KCNQ1: variants seen among roughly 807,000 people sequenced by gnomAD.
KCNQ1 encodes potassium voltage-gated channel subfamily Q member 1, also known as potassium voltage-gated channel subfamily KQT member 1.
A neutral mutation model predicts 72.4 loss-of-function variants in KCNQ1; 49 were observed. That is an observed-to-expected ratio of 0.68 (90% confidence interval 0.54 to 0.86). The LOEUF (loss-of-function observed/expected upper bound fraction) is 0.86, where lower values mean the gene tolerates loss of function less well. Ranked by LOEUF, KCNQ1 falls within the 40% of genes least tolerant of loss-of-function variation. The pLI is 0.00. For missense variants in KCNQ1, 790 were observed against 945.1 expected, an observed-to-expected ratio of 0.84 and a Z score of 2.15; for synonymous variants, 450 against 412.6, an observed-to-expected ratio of 1.09 and a Z score of -1.10.
intron 3 of KCNQ1, 79 bp from the exon 4 acceptor site, chr11:2,571,246 C>T (rs1003255172): frequency 4.7e-5 from 57 of 1,205,158 alleles, no homozygotes; most frequent in East Asian, 7.0e-5. Flanking sequence ...CTTCCCCAGA[C>T]GAGAGCAGGG....
intron 15 of KCNQ1, among the ~76,000 whole-genome samples, chr11:2,810,999 T>C (rs1275494340): frequency 6.6e-6 from 1 of 152,200 alleles, no homozygotes; most frequent in Non-Finnish European, 1.5e-5. Flanking sequence ...GACTCCCGCC[T>C]TCCCAGCATG....
intron 10 of KCNQ1, chr11:2,631,104 C>G (rs181130408): frequency 5.0e-6 from 2 of 398,364 alleles, no homozygotes; most frequent in Non-Finnish European, 8.8e-6. Flanking sequence ...CTTCATGTAC[C>G]TAGATGTCCA....
chr11:2,672,034 C>G, intron 11 of KCNQ1: 1 of 398,656 alleles, frequency 2.5e-6, no homozygotes, highest in Non-Finnish European at 4.4e-6. Flanking sequence ...TACCCTGGCC[C>G]GGTCTGCACT....
intron 11 of KCNQ1, among the ~76,000 whole-genome samples, chr11:2,700,863 TGAATG>T (rs1379530204): frequency 2.0e-5 from 3 of 151,872 alleles, no homozygotes; most frequent in Non-Finnish European, 4.4e-5. Flanking sequence ...GCGCGCCTTC[TGAATG>T]CCAAGCATTG....
At chr11:2,811,987 C>T (rs1350497731) in intron 15 of KCNQ1, among the ~76,000 whole-genome samples, 1 of 152,130 alleles carries the variant, frequency 6.6e-6, no homozygotes, top group African/African-American at 2.4e-5. Flanking sequence ...TGGCACGCAG[C>T]CCCACCGGCT....
At chr11:2,780,172 AC>A (rs1846796917) in intron 15 of KCNQ1, among the ~76,000 whole-genome samples, 1 of 152,130 alleles carries the variant, frequency 6.6e-6, no homozygotes, top group African/African-American at 2.4e-5. Flanking sequence ...CAAGGAGTTG[AC>A]AGAGCTGTGC....
At chr11:2,838,047 G>A (rs1047932183) in intron 15 of KCNQ1, among the ~76,000 whole-genome samples, 1 of 152,252 alleles carries the variant, frequency 6.6e-6, no homozygotes, top group Non-Finnish European at 1.5e-5. Context: ...GGGACAGACT[G>A]AGGAAGCCAG....
chr11:2,472,151 A>T (rs1246745960), intron 1 of KCNQ1, among the ~76,000 whole-genome samples: 1 of 125,788 alleles, frequency 7.9e-6, no homozygotes, highest in Non-Finnish European at 1.7e-5. Flanking sequence ...TGTGTGTTTT[A>T]TGTATGGGTG....
Position 2,678,457 on chromosome 11 carries a change from C to G in KCNQ1, c.1514+16376C>G. On this transcript the variant is annotated intron_variant, in intron 11 of 15. Transcript: ENST00000155840. This position sits in a 1 kb window ranked among gnomAD's most constrained non-coding sequence, Gnocchi z 4.9. Reference sequence around the variant, plus strand: ...ATCATCTCTCTACTAATTTCAACTGCTACCTTTATCATATTTCAAACTCTC... The same window carrying G: ...ATCATCTCTCTACTAATTTCAACTGGTACCTTTATCATATTTCAAACTCTC... 1 of 398,584 alleles carries G rather than the reference C, an allele frequency of 2.5e-6. No homozygotes were observed. The highest frequency in any genetic ancestry group is 4.4e-6 in the Non-Finnish European group (1 of 226,056). The allele number at this position is 398,584 out of a possible 1,614,324, so 24.7% of individuals were successfully genotyped here.
rs969275082 is a variant in KCNQ1 at position 2,457,306 on chromosome 11, C to G, written c.386+11822C>G. On this transcript the variant is annotated intron_variant, in intron 1 of 15. Transcript: ENST00000155840. This position sits in a 1 kb window ranked among gnomAD's most constrained non-coding sequence, Gnocchi z 5.0. ...GCAGTCCCGTGTGCTGAGTTTATACCCAAAGAAAAATTAGTCGTTCTACCA... is the reference window on the plus strand; with the variant it reads ...GCAGTCCCGTGTGCTGAGTTTATACGCAAAGAAAAATTAGTCGTTCTACCA... 6.6e-5 allele frequency among the ~76,000 whole-genome samples: 10 copies of G among 152,054 alleles called. No homozygotes were observed. Among genetic ancestry groups the G allele is most frequent in the Admixed American group, 1.3e-4 (2 of 15,268 alleles).
intron 11 of KCNQ1, chr11:2,667,345 C>T (rs1850095397): frequency 2.5e-6 from 1 of 398,568 alleles, no homozygotes; most frequent in African/African-American, 2.1e-5. Flanking sequence ...CTTCTCATTT[C>T]CTCTGCAAGG....
chr11:2,658,544 A>G lies in KCNQ1; in HGVS notation c.1394-3417A>G. On this transcript the variant is annotated intron_variant, in intron 10 of 15. Transcript: ENST00000155840. The surrounding 1 kb of genome is among the most constrained non-coding windows in gnomAD (Gnocchi z 4.9). ...TTCAGGCTCATCTTTTATTTTCCCT[A>G]CCCTAGCCCTAGAATCATCCATTCA... The G allele has an allele frequency of 2.5e-6, 1 of 394,324 alleles. No homozygotes were observed. Among genetic ancestry groups the G allele is most frequent in the Non-Finnish European group, 4.4e-6 (1 of 225,154 alleles). The allele number at this position is 394,324 out of a possible 1,614,324, so 24.4% of individuals were successfully genotyped here.
At chr11:2,821,516 G>A (rs928613088) in intron 15 of KCNQ1, among the ~76,000 whole-genome samples, 1 of 152,158 alleles carries the variant, frequency 6.6e-6, no homozygotes, top group African/African-American at 2.4e-5. Context: ...ATTGGGAAGT[G>A]GCTGGTAAAA....
Position 2,600,935 on chromosome 11 carries a change from G to C in KCNQ1, c.1393+12081G>C, listed in dbSNP as rs1848797084. Among the ~76,000 whole-genome samples, 2 of 152,264 alleles carry C rather than the reference G, an allele frequency of 1.3e-5. No individual in the cohort carries two copies. Among genetic ancestry groups the C allele is most frequent in the South Asian group, 4.1e-4 (2 of 4,824 alleles). On this transcript the variant is annotated intron_variant, in intron 10 of 15. Transcript: ENST00000155840. The surrounding 1 kb of genome is among the most constrained non-coding windows in gnomAD (Gnocchi z 5.6). The stretch of plus-strand genomic sequence containing the variant: ...AGTGTATCACATCCTGAGGCACACA[G>C]TGTATCTGCCCCTTATTAACGATGT...
At chr11:2,571,798 G>A (rs1050951546) in intron 4 of KCNQ1, among the ~76,000 whole-genome samples, 5 of 152,198 alleles carry the variant, frequency 3.3e-5, no homozygotes, top group African/African-American at 9.6e-5. Flanking sequence ...GCTCAGCCCT[G>A]TGTGGGCAGA....
intron 1 of KCNQ1, chr11:2,461,415 C>G (rs764366044): frequency 3.1e-6 from 4 of 1,275,074 alleles, no homozygotes; most frequent in Non-Finnish European, 4.1e-6. Flanking sequence ...CTGGGTGAGC[C>G]GGCCGGGGCG....
rs2839990 is a variant in KCNQ1 at position 2,734,771 on chromosome 11, G to T, written c.1515-34073G>T. Among the ~76,000 whole-genome samples, 1 of 151,854 alleles carries T rather than the reference G, an allele frequency of 6.6e-6. No homozygotes were observed. The highest frequency in any genetic ancestry group is 1.5e-5 in the Non-Finnish European group (1 of 67,952). On this transcript the variant is annotated intron_variant, in intron 11 of 15. Transcript: ENST00000155840. The surrounding 1 kb of genome is among the most constrained non-coding windows in gnomAD (Gnocchi z 7.0). ...GCGAGGGCAAGACCACCGCTCCTCC[G>T]CCATAAACCGTGTTGGATGGGCCTC...
chr11:2,480,773 C>T (rs555602579), intron 1 of KCNQ1, among the ~76,000 whole-genome samples: 18 of 152,228 alleles, frequency 1.2e-4, no homozygotes, highest in South Asian at 4.1e-4. Flanking sequence ...TGTTGTTTCC[C>T]GATTTTGACA....
chr11:2,497,898 T>A lies in KCNQ1; in HGVS notation c.387-30030T>A, dbSNP rs1365222447. 6.6e-6 allele frequency among the ~76,000 whole-genome samples: 1 copy of A among 152,208 alleles called. No individual in the cohort carries two copies. Among genetic ancestry groups the A allele is most frequent in the Non-Finnish European group, 1.5e-5 (1 of 68,034 alleles). On this transcript the variant is annotated intron_variant, in intron 1 of 15. Transcript: ENST00000155840. This position sits in a 1 kb window ranked among gnomAD's most constrained non-coding sequence, Gnocchi z 4.5. The stretch of plus-strand genomic sequence containing the variant: ...GATGTTGATTTTGTTGCTTTCTGTT[T>A]GCTAGCTTTTCTTCTAAGAGTCAAG...
Sources: gnomAD v4.1 joint callset for allele counts (sites outside exome capture counted in the v4.1 genomes callset) on GRCh38, gnomAD v4.1.1 for gene constraint, Gnocchi (gnomAD v3.1) non-coding constraint, MANE v1.5 for transcripts, NCBI Gene and HGNC (gene_info 2026-07-23, HGNC 2026-07-21) for gene names.